The following NEGR1 variants were observed in gnomAD, a reference collection of about 807,000 sequenced individuals.
The protein encoded by NEGR1 is IgLON family member 4.
In NEGR1, 10 loss-of-function variants were observed where a neutral mutation model predicts 40.9. The ratio of observed to expected loss-of-function variants is 0.24; its 90% CI spans 0.15 to 0.42. NEGR1 has a LOEUF of 0.42. Among genes scored for constraint, NEGR1 ranks in the 10% least tolerant of loss-of-function variants. The pLI is 1.00. For synonymous variants in NEGR1, 185 were observed against 166.8 expected (o/e 1.11, Z -0.84); for missense variants, 352 against 438.9 (o/e 0.80, Z 1.77).
intron 6 of NEGR1, among the ~76,000 whole-genome samples, chr1:71,523,473 A>G (rs1647178240): frequency 6.6e-6 from 1 of 151,928 alleles, no homozygotes; most frequent in African/African-American, 2.4e-5. Context: ...ACTTTGAAAT[A>G]TGAGTATGAA....
chr1:71,675,492 CCTCTCTCA>C (rs1355404848), intron 4 of NEGR1, among the ~76,000 whole-genome samples: 3 of 150,954 alleles, frequency 2.0e-5, no homozygotes, highest in Non-Finnish European at 4.4e-5. Flanking sequence ...TATGTATCTC[CCTCTCTCA>C]CTCTCTCTCT....
intron 5 of NEGR1, among the ~76,000 whole-genome samples, chr1:71,603,486 T>C (rs1274913508): frequency 6.6e-6 from 1 of 152,230 alleles, no homozygotes; most frequent in Admixed American, 6.5e-5. Context: ...ATACAGTTTT[T>C]ATTATCATAT....
chr1:71,866,177 C>A (rs1275295721), intron 2 of NEGR1, among the ~76,000 whole-genome samples: 1 of 151,984 alleles, frequency 6.6e-6, no homozygotes, highest in Non-Finnish European at 1.5e-5. Context: ...CCATAGAACT[C>A]TTTCTTGGGT....
At chr1:71,481,444 A>G (rs1646853355) in intron 6 of NEGR1, among the ~76,000 whole-genome samples, 1 of 151,900 alleles carries the variant, frequency 6.6e-6, no homozygotes, top group Admixed American at 6.6e-5. Context: ...ACATATATTG[A>G]GTATATATAC....
intron 1 of NEGR1, among the ~76,000 whole-genome samples, chr1:72,225,840 C>A (rs1205037803): frequency 6.6e-6 from 1 of 151,578 alleles, no homozygotes; most frequent in African/African-American, 2.4e-5. Flanking sequence ...TCACAAGAAT[C>A]ACAATTACGT....
Position 71,490,539 on chromosome 1 carries a change from A to T in NEGR1, c.941-82969T>A, listed in dbSNP as rs114494890. Among the ~76,000 whole-genome samples the T allele has an allele frequency of 9.4e-3, 1,437 of 152,098 alleles. 21 individuals are homozygous for T. The highest frequency in any genetic ancestry group is 0.033 in the African/African-American group (1,374 of 41,524). ...TGGCAGAATTCACTGTTTCAAACGT[A>T]AATCCCCAACAGTCTAAACCATTCT... On this transcript the variant is annotated intron_variant, in intron 6 of 6. Transcript: ENST00000357731.
chr1:71,772,532 G>A (rs1465635220), intron 3 of NEGR1, among the ~76,000 whole-genome samples: 2 of 152,014 alleles, frequency 1.3e-5, no homozygotes, highest in Non-Finnish European at 2.9e-5. Flanking sequence ...ACAGAGTTCT[G>A]GATTGGATTC....
At chr1:71,854,175 A>G (rs1269378306) in intron 2 of NEGR1, among the ~76,000 whole-genome samples, 1 of 152,030 alleles carries the variant, frequency 6.6e-6, no homozygotes, top group Admixed American at 6.6e-5. Flanking sequence ...AACTTTCCTT[A>G]AATCCTCTTC....
intron 4 of NEGR1, among the ~76,000 whole-genome samples, chr1:71,636,691 T>C (rs1038063371): frequency 6.6e-6 from 1 of 152,108 alleles, no homozygotes; most frequent in Admixed American, 6.6e-5. Context: ...GTCTGTACTA[T>C]TGTGGAGTGG....
chr1:71,943,923 G>A (rs1295518345), intron 1 of NEGR1, among the ~76,000 whole-genome samples: 1 of 152,070 alleles, frequency 6.6e-6, no homozygotes, highest in Non-Finnish European at 1.5e-5. Flanking sequence ...GATAAATGAA[G>A]CAAAGAATGT....
Position 71,480,751 on chromosome 1 carries a change from C to T in NEGR1, c.941-73181G>A, listed in dbSNP as rs534232856. Among the ~76,000 whole-genome samples, 14 of 152,020 alleles carry T rather than the reference C, an allele frequency of 9.2e-5. No individual in the cohort carries two copies. In the South Asian group the frequency reaches 2.9e-3, roughly 32 times the overall value. ...AAACAAGAGATATTTACAATAATAA[C>T]TTATTTTACAAATCTTGGCCACACT... On this transcript the variant is annotated intron_variant, in intron 6 of 6. Coordinates refer to ENST00000357731, the MANE Select transcript of NEGR1 (RefSeq NM_173808.3).
intron 1 of NEGR1, among the ~76,000 whole-genome samples, chr1:71,954,397 T>TA (rs1035715579): frequency 2.6e-5 from 4 of 151,706 alleles, no homozygotes; most frequent in African/African-American, 7.3e-5. Context: ...GGTATATTAT[T>TA]AAAAAAAAGT....
intron 2 of NEGR1, among the ~76,000 whole-genome samples, chr1:71,898,239 CTT>C (rs1557692222): frequency 6.6e-6 from 1 of 152,112 alleles, no homozygotes. Context: ...GGAAAGCTGT[CTT>C]TTTATTTTTT....
At chr1:71,620,705 C>T (rs1399286714) in intron 4 of NEGR1, among the ~76,000 whole-genome samples, 1 of 151,922 alleles carries the variant, frequency 6.6e-6, no homozygotes, top group Non-Finnish European at 1.5e-5. Flanking sequence ...GACTTAGAGA[C>T]TTTCACATTG....
intron 2 of NEGR1, among the ~76,000 whole-genome samples, chr1:71,788,820 G>C (rs929724274): frequency 6.6e-6 from 1 of 151,892 alleles, no homozygotes; most frequent in South Asian, 2.1e-4. Context: ...TATTCATTTG[G>C]TTAGAAAATG....
intron 6 of NEGR1, among the ~76,000 whole-genome samples, chr1:71,564,569 T>C (rs1215174408): frequency 6.6e-6 from 1 of 152,112 alleles, no homozygotes; most frequent in African/African-American, 2.4e-5. Context: ...TCTTCTCTCT[T>C]AGTGTTGATA....
intron 2 of NEGR1, among the ~76,000 whole-genome samples, chr1:71,854,523 T>G (rs970345166): frequency 2.6e-5 from 4 of 152,102 alleles, no homozygotes; most frequent in African/African-American, 7.2e-5. Flanking sequence ...CAAAAGGTGA[T>G]GATAATTATA....
intron 1 of NEGR1, among the ~76,000 whole-genome samples, chr1:72,196,741 G>A (rs1274746815): frequency 1.4e-5 from 2 of 147,892 alleles, no homozygotes; most frequent in African/African-American, 5.1e-5. Flanking sequence ...TTCAGCCTTG[G>A]AGTGCAAAGA....
chr1:72,268,493 A>T (rs1655727305), intron 1 of NEGR1, among the ~76,000 whole-genome samples: 1 of 151,536 alleles, frequency 6.6e-6, no homozygotes, highest in South Asian at 2.1e-4. Context: ...TAAATTCAAT[A>T]GATGGGAACT....
Sources: allele counts gnomAD v4.1 joint callset (sites outside exome capture counted in the v4.1 genomes callset), GRCh38; gene constraint gnomAD v4.1.1; transcripts MANE v1.5; gene names NCBI Gene and HGNC (gene_info 2026-07-23, HGNC 2026-07-21).